DYNC1LI1: variants seen among roughly 807,000 people sequenced by gnomAD.
DYNC1LI1 encodes cytoplasmic dynein 1 light intermediate chain 1.
In DYNC1LI1, 19 loss-of-function variants were observed where a neutral mutation model predicts 63.8. That is an observed-to-expected ratio of 0.30 (90% CI 0.21 to 0.44). DYNC1LI1 has a LOEUF of 0.44. Among genes scored for constraint, DYNC1LI1 ranks in the 20% least tolerant of loss-of-function variants. The pLI is 1.00. For synonymous variants in DYNC1LI1, 225 were observed against 232.3 expected (o/e 0.97, Z 0.28); for missense variants, 565 against 630.2 (o/e 0.90, Z 1.11).
intron 5 of DYNC1LI1, 144 bp from the exon 6 acceptor site, chr3:32,537,248 A>T (rs1697786966): frequency 4.5e-6 from 2 of 447,582 alleles, no homozygotes; most frequent in Non-Finnish European, 7.9e-6. Context: ...ACAGAATATC[A>T]AGTACCCTAT....
rs191858437 is a variant in DYNC1LI1 at position 32,568,624 on chromosome 3, T to C, written c.220+1722A>G. Among the ~76,000 whole-genome samples the C allele has an allele frequency of 9.3e-4, 141 of 151,546 alleles. 1 individual carries two copies. The Middle Eastern group carries it at 0.017, about 18-fold the overall frequency. ...TGTCAAAGGGGTGTTAAAAAAAAAA[T>C]GGCACAACCTCAGTGCAAATTAGGT... On this transcript the variant is annotated intron_variant, in intron 2 of 12. Coordinates refer to ENST00000273130, the MANE Select transcript of DYNC1LI1 (RefSeq NM_016141.4).
intron 4 of DYNC1LI1, among the ~76,000 whole-genome samples, chr3:32,544,409 T>C (rs949715524): frequency 2.0e-5 from 3 of 152,204 alleles, no homozygotes; most frequent in African/African-American, 7.2e-5. Context: ...CAGTTTACCA[T>C]TGTGTCTTAT....
intron 2 of DYNC1LI1, among the ~76,000 whole-genome samples, chr3:32,562,408 C>T (rs1698205640): frequency 6.6e-6 from 1 of 152,184 alleles, no homozygotes; most frequent in Admixed American, 6.6e-5. Flanking sequence ...GGTGTGATCA[C>T]AGCTCACTAC....
chr3:32,539,437 G>C (rs755888134), intron 5 of DYNC1LI1, among the ~76,000 whole-genome samples: 45 of 152,132 alleles, frequency 3.0e-4, no homozygotes, highest in Admixed American at 9.8e-4. Flanking sequence ...GGTCTCAAAA[G>C]GACTTATGTT....
chr3:32,553,190 C>G (rs530286754), intron 2 of DYNC1LI1, among the ~76,000 whole-genome samples: 59 of 152,146 alleles, frequency 3.9e-4, no homozygotes, highest in Admixed American at 7.2e-4. Context: ...GAAAAATTGG[C>G]CAGGTGTGGT....
rs578046484 is a variant in DYNC1LI1, at chr3:32,553,700, G to C, written c.221-7735C>G. Among the ~76,000 whole-genome samples the C allele has an allele frequency of 1.9e-4, 29 of 152,322 alleles. No homozygotes were observed. The South Asian group carries it at 5.2e-3, about 27-fold the overall frequency. ...ACACTTACAGAGTGCCTACCTGCAA[G>C]AGTATCCTGCCAACTGTAACTAACA... On this transcript the variant is annotated intron_variant, in intron 2 of 12. Transcript: ENST00000273130.
At chr3:32,543,007 T>G (rs1364362434) in intron 4 of DYNC1LI1, among the ~76,000 whole-genome samples, 1 of 152,184 alleles carries the variant, frequency 6.6e-6, no homozygotes, top group Non-Finnish European at 1.5e-5. Context: ...CCAGAATCAC[T>G]TCAAAGGCTT....
intron 2 of DYNC1LI1, among the ~76,000 whole-genome samples, chr3:32,546,411 A>G (rs937794084): frequency 7.3e-5 from 11 of 149,988 alleles, no homozygotes. Flanking sequence ...CTGTCTGAAG[A>G]AAAAAAAAAG....
At chr3:32,567,224 C>G (rs1698272601) in intron 2 of DYNC1LI1, among the ~76,000 whole-genome samples, 1 of 152,162 alleles carries the variant, frequency 6.6e-6, no homozygotes, top group Admixed American at 6.6e-5. Flanking sequence ...TTGGAAAATC[C>G]ACTTAACAGG....
chr3:32,567,279 G>A (rs1309118654), intron 2 of DYNC1LI1, among the ~76,000 whole-genome samples: 1 of 152,160 alleles, frequency 6.6e-6, no homozygotes, highest in East Asian at 1.9e-4. Context: ...GCCCTGATCA[G>A]GGAGGAGAGA....
intron 3 of DYNC1LI1, 123 bp from the exon 4 acceptor site, chr3:32,545,229 T>A: frequency 1.5e-6 from 1 of 684,458 alleles, no homozygotes; most frequent in South Asian, 1.9e-5. Flanking sequence ...TTTGACAAAG[T>A]TCAACAATTT....
chr3:32,533,195 T>C, intron 7 of DYNC1LI1, 98 bp from the exon 8 acceptor site: 1 of 1,408,474 alleles, frequency 7.1e-7, no homozygotes, highest in East Asian at 2.9e-5. Context: ...ATGAAGTCAA[T>C]TTGAACAATT....
intron 9 of DYNC1LI1, 31 bp downstream of exon 9, chr3:32,530,430 T>C (rs777911437): frequency 4.4e-6 from 7 of 1,608,170 alleles, no homozygotes; most frequent in Admixed American, 1.7e-5. Context: ...CCATTAACCA[T>C]ACTAAGTCTG....
At chr3:32,533,565 CCTT>C (rs1697731788) in intron 7 of DYNC1LI1, among the ~76,000 whole-genome samples, 1 of 142,276 alleles carries the variant, frequency 7.0e-6, no homozygotes. Flanking sequence ...TATACGGTTA[CCTT>C]TTTTTTTTTT....
intron 1 of DYNC1LI1, 66 bp from the exon 2 acceptor site, chr3:32,570,485 G>A (rs1010889782): frequency 1.3e-6 from 2 of 1,492,950 alleles, no homozygotes; most frequent in East Asian, 2.7e-5. Flanking sequence ...GGACGGACCC[G>A]GCCTCGGCGC....
intron 2 of DYNC1LI1, among the ~76,000 whole-genome samples, chr3:32,546,211 C>T (rs1181175051): frequency 6.6e-6 from 1 of 152,042 alleles, no homozygotes; most frequent in East Asian, 1.9e-4. Context: ...AGTTTGAGAC[C>T]AGCCTGGCCA....
At chr3:32,566,031 G>A (rs1698254557) in intron 2 of DYNC1LI1, among the ~76,000 whole-genome samples, 1 of 152,182 alleles carries the variant, frequency 6.6e-6, no homozygotes. Flanking sequence ...TACTTTGGGA[G>A]ACTGAGGTGA....
intron 2 of DYNC1LI1, among the ~76,000 whole-genome samples, chr3:32,559,357 C>T (rs1050586620): frequency 5.3e-5 from 8 of 152,182 alleles, no homozygotes; most frequent in South Asian, 2.1e-4. Context: ...CCTCCCACTT[C>T]AGCCTCCTGA....
intron 8 of DYNC1LI1, chr3:32,532,171 G>A (rs1227881299): frequency 1.3e-5 from 2 of 151,916 alleles, no homozygotes; most frequent in African/African-American, 2.4e-5. Flanking sequence ...TGTTAGAGTC[G>A]AGACTAAAAC....
Sources: allele counts gnomAD v4.1 joint callset (sites outside exome capture counted in the v4.1 genomes callset), GRCh38; gene constraint gnomAD v4.1.1; transcripts MANE v1.5; gene names NCBI Gene and HGNC (gene_info 2026-07-23, HGNC 2026-07-21).